The following HSD17B2 variants were observed in gnomAD, a reference collection of about 807,000 sequenced individuals.
HSD17B2 encodes hydroxysteroid 17-beta dehydrogenase 2, also known as 17-beta-hydroxysteroid dehydrogenase type 2.
Under a neutral mutation model 26.9 loss-of-function variants are expected in HSD17B2, and 32 were observed. The observed-to-expected ratio is 1.19, with a 90% CI of 0.90 to 1.60. The LOEUF (loss-of-function observed/expected upper bound fraction) is 1.60. Ranked by LOEUF, HSD17B2 falls within the 40% of genes most tolerant of loss-of-function variation. The probability of loss-of-function intolerance (pLI) is 0.00; values close to 1 mark genes in which losing one functional copy is unlikely to be tolerated. For missense variants in HSD17B2, 613 were observed against 468.6 expected (o/e 1.31, Z -2.85); for synonymous variants, 246 against 186.7 (o/e 1.32, Z -2.59).
At chr16:82,065,333 CCT>C (rs370267376) in intron 1 of HSD17B2, among the ~76,000 whole-genome samples, 8 of 152,112 alleles carry the variant, frequency 5.3e-5, no homozygotes, top group African/African-American at 1.9e-4. Flanking sequence ...CAGCAGATAC[CCT>C]GATTGACTGT....
intron 1 of HSD17B2, among the ~76,000 whole-genome samples, chr16:82,042,042 A>G (rs1913781307): frequency 6.8e-6 from 1 of 147,946 alleles, no homozygotes; most frequent in Non-Finnish European, 1.5e-5. Flanking sequence ...TCGCTCTGTC[A>G]CCCAGGCTGG....
rs1467464743 is a variant in HSD17B2 at position 82,071,097 on chromosome 16, G to C, written c.634G>C (p.Gly212Arg). The change falls in exon 3 of 5, where the codon GGG becomes CGG. Residue 212 changes from glycine to arginine, a missense_variant. By Grantham distance (125) the Gly-to-Arg change is moderately radical. Coordinates refer to ENST00000199936, the MANE Select transcript of HSD17B2 (RefSeq NM_002153.3). ...TTTGCCTCTTCTTAGAAAATCCAAA[G>C]GGAGGCTGGTGAATGTCAGCAGCAT... The part of the protein sequence containing the change: ...TFLPLLRKSK[G>R]RLVNVSSMGG... 6.2e-7 allele frequency: 1 copy of C among 1,614,158 alleles called. No homozygotes were observed. The highest frequency in any genetic ancestry group is 1.1e-5 in the South Asian group (1 of 91,078).
chr16:82,052,117 G>A (rs573278138), intron 1 of HSD17B2, among the ~76,000 whole-genome samples: 1 of 152,292 alleles, frequency 6.6e-6, no homozygotes, highest in Non-Finnish European at 1.5e-5. Flanking sequence ...CGAGATTTGA[G>A]GTCTTGTAGG....
chr16:82,081,394 C>T (rs1904376623), intron 3 of HSD17B2, among the ~76,000 whole-genome samples: 1 of 152,114 alleles, frequency 6.6e-6, no homozygotes, highest in African/African-American at 2.4e-5. Flanking sequence ...GCCTTTCATT[C>T]TACCCCAGGC....
intron 1 of HSD17B2, among the ~76,000 whole-genome samples, chr16:82,038,395 G>A (rs1406144929): frequency 6.6e-6 from 1 of 151,968 alleles, no homozygotes; most frequent in Non-Finnish European, 1.5e-5. Flanking sequence ...TGTTGCCCAG[G>A]CTGGAGTGCA....
At chr16:82,082,749 G>A (rs548678082) in intron 3 of HSD17B2, among the ~76,000 whole-genome samples, 5 of 152,292 alleles carry the variant, frequency 3.3e-5, no homozygotes, top group Admixed American at 1.3e-4. Context: ...GCATATAGTA[G>A]ACACCTAATA....
chr16:82,095,253 G>C (rs184365608), intron 4 of HSD17B2: 1 of 152,212 alleles, frequency 6.6e-6, no homozygotes, highest in Non-Finnish European at 1.5e-5. Flanking sequence ...GAAACCTCCA[G>C]AGTAATTGTC....
intron 1 of HSD17B2, among the ~76,000 whole-genome samples, chr16:82,051,783 T>C (rs1020651916): frequency 6.6e-6 from 1 of 152,260 alleles, no homozygotes; most frequent in Admixed American, 6.5e-5. Flanking sequence ...TAGTTGCAGC[T>C]TCTCAGCTCT....
intron 1 of HSD17B2, among the ~76,000 whole-genome samples, chr16:82,041,997 C>CTTTTT: frequency 7.1e-6 from 1 of 141,642 alleles, no homozygotes; most frequent in Non-Finnish European, 1.5e-5. Flanking sequence ...CTTTTCTTTT[C>CTTTTT]TTTTTTTTTT....
Position 82,058,010 on chromosome 16 carries a change from G to GTACATTATTTGTCATTAATTGTACATATT in HSD17B2, c.266-10160_266-10159insTACATTATTTGTCATTAATTGTACATATT, listed in dbSNP as rs1275016584. Among the ~76,000 whole-genome samples the GTACATTATTTGTCATTAATTGTACATATT allele has an allele frequency of 7.9e-5, 12 of 151,978 alleles. No individual in the cohort carries two copies. In the East Asian group the frequency reaches 1.2e-3, roughly 15 times the overall value. ...TAGTTAATAATAATGTATCAATATTGGGTCATTAATTGTAGAAGATGTAAC... is the reference window on the plus strand; with the variant it reads ...TAGTTAATAATAATGTATCAATATTGTACATTATTTGTCATTAATTGTACATATTGGTCATTAATTGTAGAAGATGTAAC... On this transcript the variant is annotated intron_variant, in intron 1 of 4. Coordinates refer to ENST00000199936, the MANE Select transcript of HSD17B2 (RefSeq NM_002153.3).
In HSD17B2 at chr16:82,068,197, T is replaced by C. The variant is rs1296846780; in HGVS notation, c.293T>C (p.Leu98Ser). The C allele has an allele frequency of 6.2e-7, 1 of 1,614,096 alleles. No homozygotes were observed. The highest frequency in any genetic ancestry group is 8.5e-7 in the Non-Finnish European group (1 of 1,180,050). ...GGTGATTGCGGGCTTGGCCATGCTTTGTGCAAGTATCTGGATGAGCTGGGC... is the reference window on the plus strand; with the variant it reads ...GGTGATTGCGGGCTTGGCCATGCTTCGTGCAAGTATCTGGATGAGCTGGGC... ...TGGDCGLGHA[L>S]CKYLDELGFT... The change falls in exon 2 of 5, where the codon TTG (leucine) becomes TCG (serine). Residue 98 changes from leucine (L) to serine (S), a missense_variant. Coordinates refer to ENST00000199936, the MANE Select transcript of HSD17B2 (RefSeq NM_002153.3).
intron 1 of HSD17B2, among the ~76,000 whole-genome samples, chr16:82,056,276 G>C (rs970436423): frequency 6.6e-6 from 1 of 152,122 alleles, no homozygotes; most frequent in Non-Finnish European, 1.5e-5. Context: ...TGTATCTCTG[G>C]TTAGTTTTCT....
At position 82,068,165 on chromosome 16, in the gene HSD17B2, T is replaced by A. The variant is rs1423469739; in HGVS notation, c.266-5T>A. 6.2e-7 allele frequency: 1 copy of A among 1,613,948 alleles called. No individual in the cohort carries two copies. The highest frequency in any genetic ancestry group is 1.1e-5 in the South Asian group (1 of 91,068). ...CTCACTCCCTACTCCCCTGACCCTA[T>A]GCAGGTGGTGATTGCGGGCTTGGCC... On this transcript the variant is annotated splice_region_variant and splice_polypyrimidine_tract_variant and intron_variant, in intron 1 of 4. Coordinates refer to ENST00000199936, the MANE Select transcript of HSD17B2 (RefSeq NM_002153.3).
chr16:82,088,373 T>A lies in HSD17B2; in HGVS notation c.665-2529T>A, dbSNP rs111802746. ...ATTCTAATATATTATTAATTTAACT[T>A]TCGCAACGATCCTATGATGCATGGA... On this transcript the variant is annotated intron_variant, in intron 3 of 4. Transcript: ENST00000199936. 4.4e-3 allele frequency among the ~76,000 whole-genome samples: 668 copies of A among 152,258 alleles called. 5 individuals carry two copies. The highest frequency in any genetic ancestry group is 0.015 in the African/African-American group (633 of 41,538).
intron 4 of HSD17B2, chr16:82,097,292 G>GTGTA (rs1470592596): frequency 2.0e-5 from 3 of 149,570 alleles, no homozygotes; most frequent in African/African-American, 7.4e-5. Context: ...GTGTGTGTGT[G>GTGTA]TATATATATA....
At chr16:82,044,215 GA>G in intron 1 of HSD17B2, 1 of 152,210 alleles carries the variant, frequency 6.6e-6, no homozygotes, top group Non-Finnish European at 1.5e-5. Context: ...TAAATGAGGT[GA>G]AATTAAATCA....
chr16:82,060,614 T>C (rs1436342279), intron 1 of HSD17B2, among the ~76,000 whole-genome samples: 1 of 152,246 alleles, frequency 6.6e-6, no homozygotes, highest in Non-Finnish European at 1.5e-5. Context: ...CCTATTCAGA[T>C]CACATCCTTT....
At chr16:82,094,120 T>C (rs773261884) in intron 4 of HSD17B2, 5 of 152,204 alleles carry the variant, frequency 3.3e-5, no homozygotes, top group Non-Finnish European at 5.9e-5. Flanking sequence ...CTATGACTTG[T>C]ATCTTGTGAT....
At chr16:82,077,150 G>C (rs554494820) in intron 3 of HSD17B2, among the ~76,000 whole-genome samples, 1 of 152,056 alleles carries the variant, frequency 6.6e-6, no homozygotes, top group Non-Finnish European at 1.5e-5. Flanking sequence ...ATTCTTCACA[G>C]AAATAGAAAA....
Sources: allele counts gnomAD v4.1 joint callset (sites outside exome capture counted in the v4.1 genomes callset), GRCh38; gene constraint gnomAD v4.1.1; transcripts MANE v1.5; gene names NCBI Gene and HGNC (gene_info 2026-07-23, HGNC 2026-07-21).